LAMA2: variants seen among roughly 807,000 people sequenced by gnomAD.
LAMA2 encodes the protein laminin subunit alpha 2, also known as laminin subunit alpha-2.
Under a neutral mutation model 364.8 loss-of-function variants are expected in LAMA2, and 269 were observed. The ratio of observed to expected loss-of-function variants is 0.74; its 90% CI spans 0.67 to 0.82. LAMA2 has a LOEUF of 0.82. Among genes scored for constraint, LAMA2 ranks in the 40% least tolerant of loss-of-function variants. LAMA2 has a pLI of 0.00. For missense variants in LAMA2, 3,807 were observed against 3,873.2 expected, an observed-to-expected ratio of 0.98 and a Z score of 0.45; for synonymous variants, 1,379 against 1,370.6, an observed-to-expected ratio of 1.01 and a Z score of -0.14.
In LAMA2 at chr6:128,910,178, T is replaced by C. The variant is rs1175694485; in HGVS notation, c.112+26821T>C. ...CTCTGTATTTCCTGAATCTGAACGT[T>C]GGCCTGCCTTGCTAGATTGGGGAAG... On this transcript the variant is annotated intron_variant, in intron 1 of 64. Transcript: ENST00000421865. Among the ~76,000 whole-genome samples the C allele has an allele frequency of 5.9e-5, 9 of 152,212 alleles. No individual in the cohort carries two copies. The South Asian group carries it at 1.2e-3, about 21-fold the overall frequency.
At chr6:128,986,167 T>A (rs1055965595) in intron 1 of LAMA2, among the ~76,000 whole-genome samples, 3 of 152,192 alleles carry the variant, frequency 2.0e-5, no homozygotes, top group Admixed American at 6.5e-5. Context: ...TCAAATTGTC[T>A]CATCTTTGGT....
chr6:129,323,028 G>A lies in LAMA2; in HGVS notation c.4176+2373G>A, dbSNP rs560664942. ...TCACTTAAGCATCTATTTACAGACA[G>A]TAATTGCAGTAATATCTTAGTAGAG... On this transcript the variant is annotated intron_variant, in intron 28 of 64. Transcript: ENST00000421865. 5.9e-5 allele frequency among the ~76,000 whole-genome samples: 9 copies of A among 152,298 alleles called. No individual in the cohort carries two copies. In the East Asian group the frequency reaches 9.6e-4, roughly 16 times the overall value.
intron 1 of LAMA2, among the ~76,000 whole-genome samples, chr6:128,961,330 T>TATATATAG (rs1562872854): frequency 1.5e-4 from 5 of 34,138 alleles, no homozygotes; most frequent in Non-Finnish European, 2.0e-4. Flanking sequence ...TATATATATA[T>TATATATAG]ATATATATAT....
intron 4 of LAMA2, among the ~76,000 whole-genome samples, chr6:129,129,471 G>T (rs76633601): frequency 0.039 from 5,862 of 152,208 alleles, 385 homozygotes; most frequent in African/African-American, 0.13. Flanking sequence ...TATGCCATAA[G>T]AGAATCATTT....
Position 129,190,218 on chromosome 6 carries a change from G to A in LAMA2, c.1481G>A (p.Gly494Glu). The part of the protein sequence containing the change: ...GPCICKENVE[G>E]GDCSRCKSGF... ...CTTTATTTGCAGGAAAATGTTGAAG[G>A]AGGAGACTGTAGTCGTTGCAAATCC... Residue 494 changes from glycine to glutamate, a missense_variant, in exon 11 of 65, where the codon GGA (glycine) becomes GAA (glutamate). By Grantham distance (98) the Gly-to-Glu change is moderately conservative (BLOSUM62 -2). This residue lies in a region of LAMA2 where 3,333 missense variants were observed against 3,345.7 expected (regional missense o/e 1.00). Coordinates refer to ENST00000421865, the MANE Select transcript of LAMA2 (RefSeq NM_000426.4). 6.2e-7 allele frequency: 1 copy of A among 1,613,562 alleles called. No individual in the cohort carries two copies. Among genetic ancestry groups the A allele is most frequent in the Non-Finnish European group, 8.5e-7 (1 of 1,179,536 alleles).
At chr6:129,136,485 G>A (rs1326603392) in intron 4 of LAMA2, among the ~76,000 whole-genome samples, 1 of 151,342 alleles carries the variant, frequency 6.6e-6, no homozygotes, top group Non-Finnish European at 1.5e-5. Context: ...AAATGTTACA[G>A]CCAACTCTGA....
At chr6:129,371,246 GAT>G (rs1491225489) in intron 34 of LAMA2, among the ~76,000 whole-genome samples, 2 of 93,436 alleles carry the variant, frequency 2.1e-5, no homozygotes, top group African/African-American at 3.2e-5. Context: ...AGAACTTTGA[GAT>G]GTGTGTGTGT....
At chr6:129,155,678 A>G (rs1464441119) in intron 8 of LAMA2, among the ~76,000 whole-genome samples, 1 of 152,102 alleles carries the variant, frequency 6.6e-6, no homozygotes, top group Non-Finnish European at 1.5e-5. Flanking sequence ...TCAATTGATC[A>G]TATTACATGG....
At chr6:128,972,860 A>G in intron 1 of LAMA2, among the ~76,000 whole-genome samples, 1 of 152,194 alleles carries the variant, frequency 6.6e-6, no homozygotes, top group Non-Finnish European at 1.5e-5. Flanking sequence ...ATTCCAAATC[A>G]TCTCTCTGTC....
At chr6:128,992,384 T>C (rs1783664519) in intron 1 of LAMA2, among the ~76,000 whole-genome samples, 1 of 152,200 alleles carries the variant, frequency 6.6e-6, no homozygotes, top group Non-Finnish European at 1.5e-5. Context: ...ATTTGTGATC[T>C]CAAGACTATC....
intron 1 of LAMA2, among the ~76,000 whole-genome samples, chr6:128,972,557 G>A (rs1782251238): frequency 6.6e-6 from 1 of 152,170 alleles, no homozygotes; most frequent in Non-Finnish European, 1.5e-5. Context: ...TTCAGTAGAA[G>A]GTATTTGGAA....
intron 28 of LAMA2, 124 bp from the exon 29 acceptor site, chr6:129,328,154 A>G: frequency 3.6e-6 from 3 of 828,862 alleles, no homozygotes; most frequent in Non-Finnish European, 4.2e-6. Context: ...TGCGTTTGTA[A>G]GTGATGTTGC....
At chr6:129,360,949 T>C (rs1777424844) in intron 32 of LAMA2, among the ~76,000 whole-genome samples, 1 of 152,176 alleles carries the variant, frequency 6.6e-6, no homozygotes, top group African/African-American at 2.4e-5. Flanking sequence ...TCTGGAACCA[T>C]CTAGTAAGGA....
intron 1 of LAMA2, among the ~76,000 whole-genome samples, chr6:128,901,957 G>A (rs1777110970): frequency 6.6e-6 from 1 of 152,148 alleles, no homozygotes; most frequent in Non-Finnish European, 1.5e-5. Context: ...TTTACAAAGA[G>A]GTTTAATTGA....
At chr6:128,899,283 C>T (rs1295296700) in intron 1 of LAMA2, among the ~76,000 whole-genome samples, 1 of 152,072 alleles carries the variant, frequency 6.6e-6, no homozygotes, top group African/African-American at 2.4e-5. Flanking sequence ...GTGAATCTGT[C>T]CCGTTTATGA....
chr6:129,470,126 A>G (rs1783737919), intron 51 of LAMA2, among the ~76,000 whole-genome samples: 2 of 151,976 alleles, frequency 1.3e-5, no homozygotes, highest in Admixed American at 1.3e-4. Flanking sequence ...TAGGACAGAT[A>G]TTAGAGGTAT....
chr6:129,159,340 T>G (rs1779320213), intron 8 of LAMA2, among the ~76,000 whole-genome samples: 1 of 152,154 alleles, frequency 6.6e-6, no homozygotes, highest in South Asian at 2.1e-4. Flanking sequence ...TATGCTTCCA[T>G]CTCATGAATT....
chr6:129,502,804 C>A, intron 59 of LAMA2, 33 bp downstream of exon 59: 1 of 1,343,646 alleles, frequency 7.4e-7, no homozygotes, highest in Non-Finnish European at 1.1e-6. Context: ...GGGAAAGAAC[C>A]GATAAATGAA....
chr6:129,418,650 A>G (rs924716322), intron 40 of LAMA2, among the ~76,000 whole-genome samples: 34 of 151,998 alleles, frequency 2.2e-4, no homozygotes, highest in African/African-American at 8.0e-4. Flanking sequence ...GAAACTTCTA[A>G]TTAAATTGAG....
Sources: gnomAD v4.1 joint callset for allele counts (sites outside exome capture counted in the v4.1 genomes callset) on GRCh38, gnomAD v4.1.1 for gene constraint, gnomAD v4.1.1 regional missense constraint, MANE v1.5 for transcripts, NCBI Gene and HGNC (gene_info 2026-07-23, HGNC 2026-07-21) for gene names.